The following METTL8 variants were observed in gnomAD, a reference collection of about 807,000 sequenced individuals.
METTL8 encodes methyltransferase 8, tRNA N3-cytidine.
METTL8 carries 32 observed loss-of-function variants against 48.7 expected under a neutral mutation model. The ratio of observed to expected loss-of-function variants is 0.66; its 90% CI spans 0.50 to 0.88. METTL8 has a LOEUF of 0.88. Ranked by LOEUF, METTL8 falls within the 40% of genes least tolerant of loss-of-function variation. The probability of loss-of-function intolerance (pLI) is 0.00; values close to 1 mark genes in which losing one functional copy is unlikely to be tolerated. For missense variants in METTL8, 464 were observed against 474.4 expected (o/e 0.98, Z 0.20); for synonymous variants, 136 against 157.1 (o/e 0.87, Z 1.01).
chr2:171,424,529 G>C (rs1692206164), intron 1 of METTL8, among the ~76,000 whole-genome samples: 1 of 152,058 alleles, frequency 6.6e-6, no homozygotes, highest in South Asian at 2.1e-4. Context: ...CTGGATATGA[G>C]ACATGGAGTC....
At chr2:171,425,824 A>G (rs1323741640) in intron 1 of METTL8, among the ~76,000 whole-genome samples, 1 of 152,266 alleles carries the variant, frequency 6.6e-6, no homozygotes, top group African/African-American at 2.4e-5. Flanking sequence ...GCCAGGAGAC[A>G]GGGATAAGAA....
At chr2:171,374,244 C>T in intron 2 of METTL8, among the ~76,000 whole-genome samples, 1 of 152,090 alleles carries the variant, frequency 6.6e-6, no homozygotes, top group East Asian at 1.9e-4. Flanking sequence ...TGATTTGGCT[C>T]TCTGTTTGTC....
chr2:171,354,765 TG>T (rs1446384069), intron 3 of METTL8, among the ~76,000 whole-genome samples: 2 of 152,256 alleles, frequency 1.3e-5, no homozygotes, highest in Non-Finnish European at 2.9e-5. Context: ...TACTGAAGCT[TG>T]TACATGCGTC....
At chr2:171,397,188 AAAT>A (rs1689153162) in intron 1 of METTL8, among the ~76,000 whole-genome samples, 1 of 151,546 alleles carries the variant, frequency 6.6e-6, no homozygotes, top group South Asian at 2.1e-4. Context: ...AGAAAGAAGG[AAAT>A]AATAAAAAAT....
At chr2:171,364,829 T>G (rs1383929524) in intron 2 of METTL8, among the ~76,000 whole-genome samples, 1 of 152,256 alleles carries the variant, frequency 6.6e-6, no homozygotes, top group African/African-American at 2.4e-5. Context: ...ACTATTTTCC[T>G]ATCTTTGTCA....
intron 2 of METTL8, among the ~76,000 whole-genome samples, chr2:171,388,932 T>C (rs1196614735): frequency 2.0e-5 from 3 of 152,228 alleles, no homozygotes; most frequent in Non-Finnish European, 4.4e-5. Context: ...ATAAATGTTA[T>C]GTGTGTTCTG....
At chr2:171,357,089 C>T (rs1261912502) in intron 3 of METTL8, among the ~76,000 whole-genome samples, 1 of 151,804 alleles carries the variant, frequency 6.6e-6, no homozygotes, top group Non-Finnish European at 1.5e-5. Flanking sequence ...TCCTGAGTAG[C>T]TGGGACTACA....
chr2:171,422,003 A>G (rs900580750), intron 1 of METTL8, among the ~76,000 whole-genome samples: 1 of 152,228 alleles, frequency 6.6e-6, no homozygotes, highest in African/African-American at 2.4e-5. Flanking sequence ...AAGGTATATG[A>G]AAGTGTCAAT....
intron 1 of METTL8, chr2:171,414,844 C>T (rs1029513844): frequency 2.0e-5 from 3 of 151,988 alleles, no homozygotes; most frequent in African/African-American, 4.8e-5. Flanking sequence ...CCACATGTTG[C>T]GGGAGGCATC....
At chr2:171,334,854 T>C (rs954577972) in intron 5 of METTL8, among the ~76,000 whole-genome samples, 2 of 152,288 alleles carry the variant, frequency 1.3e-5, no homozygotes, top group East Asian at 1.9e-4. Flanking sequence ...GCAATATGTA[T>C]TGAGCTCCAA....
At chr2:171,387,320 C>A (rs532241198) in intron 2 of METTL8, among the ~76,000 whole-genome samples, 1 of 152,138 alleles carries the variant, frequency 6.6e-6, no homozygotes, top group African/African-American at 2.4e-5. Flanking sequence ...GTCTGAGCAG[C>A]GGGGCACTGA....
At chr2:171,373,996 G>T (rs542244024) in intron 2 of METTL8, among the ~76,000 whole-genome samples, 19 of 152,288 alleles carry the variant, frequency 1.2e-4, no homozygotes, top group Non-Finnish European at 2.8e-4. Context: ...CTTTAAAGTA[G>T]TTTTTTCCAA....
intron 3 of METTL8, among the ~76,000 whole-genome samples, chr2:171,357,507 A>C (rs1684712010): frequency 6.6e-6 from 1 of 152,214 alleles, no homozygotes; most frequent in Non-Finnish European, 1.5e-5. Flanking sequence ...GAAAACTATA[A>C]AATATTCTTA....
chr2:171,345,860 C>G (rs571570684), intron 3 of METTL8, among the ~76,000 whole-genome samples: 20 of 152,118 alleles, frequency 1.3e-4, no homozygotes, highest in African/African-American at 4.3e-4. Flanking sequence ...TATGTTAACT[C>G]AAAAATTGCC....
At chr2:171,328,032 C>T (rs1052648977) in intron 7 of METTL8, among the ~76,000 whole-genome samples, 2 of 152,244 alleles carry the variant, frequency 1.3e-5, no homozygotes, top group Middle Eastern at 3.4e-3. Context: ...AGGCAAGGAA[C>T]GGGAGCTACT....
At chr2:171,372,409 T>A (rs1288854404) in intron 2 of METTL8, among the ~76,000 whole-genome samples, 2 of 152,074 alleles carry the variant, frequency 1.3e-5, no homozygotes, top group Non-Finnish European at 2.9e-5. Flanking sequence ...ATGTGGACCT[T>A]TTCAGACTTT....
At chr2:171,394,919 G>A (rs1688916387) in intron 1 of METTL8, among the ~76,000 whole-genome samples, 1 of 152,180 alleles carries the variant, frequency 6.6e-6, no homozygotes, top group African/African-American at 2.4e-5. Context: ...GGAAGTGATA[G>A]AAGAATGTGA....
chr2:171,336,244 C>T (rs930470283), intron 5 of METTL8, among the ~76,000 whole-genome samples: 28 of 151,864 alleles, frequency 1.8e-4, no homozygotes, highest in South Asian at 4.2e-4. Flanking sequence ...TACAGGCGCC[C>T]GCCACCACAC....
chr2:171,339,598 A>G (rs1206116804), intron 3 of METTL8, 44 bp from the exon 4 acceptor site: 1 of 1,092,756 alleles, frequency 9.2e-7, no homozygotes, highest in Admixed American at 2.5e-5. Flanking sequence ...ACTACGAATT[A>G]TATTTACTAT....
Sources: allele counts gnomAD v4.1 joint callset (sites outside exome capture counted in the v4.1 genomes callset), GRCh38; gene constraint gnomAD v4.1.1; transcripts MANE v1.5; gene names NCBI Gene and HGNC (gene_info 2026-07-23, HGNC 2026-07-21).